GRIN2A: variants seen among roughly 807,000 people sequenced by gnomAD.
The protein encoded by GRIN2A is glutamate ionotropic receptor NMDA type subunit 2A.
Under a neutral mutation model 113.4 loss-of-function variants are expected in GRIN2A, and 22 were observed. The ratio of observed to expected loss-of-function variants is 0.19; its 90% CI spans 0.14 to 0.28. GRIN2A has a LOEUF of 0.28. Among genes scored for constraint, GRIN2A ranks in the 10% least tolerant of loss-of-function variants. The pLI is 1.00. For missense variants in GRIN2A, 1,502 were observed against 1,887.0 expected, an observed-to-expected ratio of 0.80 and a Z score of 3.78; for synonymous variants, 827 against 738.4, an observed-to-expected ratio of 1.12 and a Z score of -1.94.
At chr16:10,033,491 A>G (rs1272048682) in intron 2 of GRIN2A, among the ~76,000 whole-genome samples, 1 of 152,184 alleles carries the variant, frequency 6.6e-6, no homozygotes, top group Non-Finnish European at 1.5e-5. Flanking sequence ...CAAAACTGAG[A>G]GTGAGGGGTT....
At chr16:9,957,715 C>A (rs2045339090) in intron 2 of GRIN2A, among the ~76,000 whole-genome samples, 1 of 152,186 alleles carries the variant, frequency 6.6e-6, no homozygotes, top group Non-Finnish European at 1.5e-5. Context: ...TATCTCAACT[C>A]TTCCTTAATT....
chr16:9,943,316 C>T (rs2044934770), intron 2 of GRIN2A: 1 of 152,222 alleles, frequency 6.6e-6, no homozygotes, highest in East Asian at 1.9e-4. Flanking sequence ...ACAGAACAAA[C>T]TGTTTTAAAC....
In GRIN2A at chr16:10,123,952, G is replaced by T. The variant is rs753417429; in HGVS notation, c.414+56046C>A. Among the ~76,000 whole-genome samples, 12 of 152,280 alleles carry T rather than the reference G, an allele frequency of 7.9e-5. No homozygotes were observed. In the South Asian group the frequency reaches 1.0e-3, roughly 13 times the overall value. ...TCACTCGGCACAGTGTATGGCACAT[G>T]AGCACTCAAGAGGTGAGCTGTTTCT... is the stretch of plus-strand genomic sequence containing the variant. On this transcript the variant is annotated intron_variant, in intron 2 of 12. Transcript: ENST00000330684.
chr16:10,112,697 G>A, intron 2 of GRIN2A: 3 of 749,844 alleles, frequency 4.0e-6, no homozygotes, highest in Non-Finnish European at 7.4e-6. Flanking sequence ...TGAATATTGT[G>A]CAGGGTGTCT....
At chr16:9,850,646 G>A (rs560849565) in intron 4 of GRIN2A, among the ~76,000 whole-genome samples, 5 of 152,080 alleles carry the variant, frequency 3.3e-5, no homozygotes, top group East Asian at 1.9e-4. Flanking sequence ...AGCAGGTGGG[G>A]AAATTAAAAG....
At chr16:9,973,406 C>T (rs2045712853) in intron 2 of GRIN2A, among the ~76,000 whole-genome samples, 1 of 152,148 alleles carries the variant, frequency 6.6e-6, no homozygotes, top group African/African-American at 2.4e-5. Flanking sequence ...AAGATGAAGT[C>T]ACTTAAGTCA....
At chr16:9,983,225 C>T (rs892229570) in intron 2 of GRIN2A, among the ~76,000 whole-genome samples, 10 of 152,262 alleles carry the variant, frequency 6.6e-5, no homozygotes, top group East Asian at 3.9e-4. Flanking sequence ...TCCTGTCTAG[C>T]GTAATTTTGT....
rs140163343 is a variant in GRIN2A at position 9,941,106 on chromosome 16, G to C, written c.415-2555C>G. On this transcript the variant is annotated intron_variant, in intron 2 of 12. Transcript: ENST00000330684. ...GTGGTGGATCAGCATCTTGCACTAA[G>C]TACACAAGGAATACAGAAAGCTCTC... Among the ~76,000 whole-genome samples, 469 of 152,274 alleles carry C rather than the reference G, an allele frequency of 3.1e-3. 4 individuals carry two copies. The highest frequency in any genetic ancestry group is 0.011 in the African/African-American group (445 of 41,544).
At chr16:10,011,603 T>C (rs9788936) in intron 2 of GRIN2A, among the ~76,000 whole-genome samples, 29,073 of 152,174 alleles carry the variant, frequency 0.19, 3,062 homozygotes, top group East Asian at 0.36. Context: ...TCCTCCTTCA[T>C]GGATCCCTAG....
At chr16:9,841,897 C>T (rs2042686599) in intron 5 of GRIN2A, among the ~76,000 whole-genome samples, 1 of 152,224 alleles carries the variant, frequency 6.6e-6, no homozygotes, top group South Asian at 2.1e-4. Flanking sequence ...AGCCACCTTG[C>T]TGTATTCACC....
intron 2 of GRIN2A, among the ~76,000 whole-genome samples, chr16:10,147,798 TTC>T (rs2049477063): frequency 6.6e-6 from 1 of 152,064 alleles, no homozygotes; most frequent in African/African-American, 2.4e-5. Context: ...AATTCTCCAT[TTC>T]TCTCTGTTCC....
At chr16:10,067,804 T>C (rs1235608447) in intron 2 of GRIN2A, among the ~76,000 whole-genome samples, 1 of 150,578 alleles carries the variant, frequency 6.6e-6, no homozygotes, top group Non-Finnish European at 1.5e-5. Context: ...GGGCAGGGGG[T>C]GCTACTAGCA....
intron 2 of GRIN2A, among the ~76,000 whole-genome samples, chr16:10,003,253 G>A (rs769070894): frequency 6.6e-6 from 1 of 152,124 alleles, no homozygotes; most frequent in Non-Finnish European, 1.5e-5. Flanking sequence ...TGATTCCAAT[G>A]GGAGAGGCAT....
chr16:9,872,143 A>T (rs1182639903), intron 4 of GRIN2A, among the ~76,000 whole-genome samples: 1 of 152,198 alleles, frequency 6.6e-6, no homozygotes, highest in Non-Finnish European at 1.5e-5. Flanking sequence ...CAGGAACCCC[A>T]AGGGGTGGGT....
At chr16:9,969,423 C>A (rs539417659) in intron 2 of GRIN2A, among the ~76,000 whole-genome samples, 112 of 152,324 alleles carry the variant, frequency 7.4e-4, no homozygotes, top group African/African-American at 2.5e-3. Context: ...TTGTTCCTCA[C>A]TGGGTACATC....
At chr16:9,974,540 C>T (rs375806600) in intron 2 of GRIN2A, among the ~76,000 whole-genome samples, 7 of 152,148 alleles carry the variant, frequency 4.6e-5, no homozygotes, top group African/African-American at 7.2e-5. Flanking sequence ...ATTGCTCAGT[C>T]GGGGAGCTCA....
At chr16:10,114,524 G>T (rs748506106) in intron 2 of GRIN2A, among the ~76,000 whole-genome samples, 1 of 152,190 alleles carries the variant, frequency 6.6e-6, no homozygotes, top group African/African-American at 2.4e-5. Flanking sequence ...GGAGGAGGAA[G>T]ATGTATCTTC....
intron 2 of GRIN2A, among the ~76,000 whole-genome samples, chr16:10,079,675 T>C (rs545735747): frequency 1.1e-4 from 17 of 152,274 alleles, no homozygotes; most frequent in African/African-American, 3.6e-4. Flanking sequence ...TCACCAGACA[T>C]GAATCTTCTG....
chr16:9,764,861 A>C lies in GRIN2A; in HGVS notation c.2683T>G (p.Leu895Val), dbSNP rs1900817241. Residue 895 changes from leucine to valine, a missense_variant, in exon 13 of 13, where the codon TTA (leucine) becomes GTA (valine). This residue lies in a region of GRIN2A where 832 missense variants were observed against 789.7 expected (regional missense o/e 1.05). Transcript: ENST00000330684. ...TTTTTGGCTGACCGGAGGAGTTTTA[A>C]CATGTTGCTCTGGGATCCCGTCAGA... ...FNLTGSQSNM[L>V]KLLRSAKNIS... 6.2e-7 allele frequency: 1 copy of C among 1,614,156 alleles called. No individual in the cohort carries two copies.
Sources: allele counts gnomAD v4.1 joint callset (sites outside exome capture counted in the v4.1 genomes callset), GRCh38; gene constraint gnomAD v4.1.1; regional missense constraint gnomAD v4.1.1; transcripts MANE v1.5; gene names NCBI Gene and HGNC (gene_info 2026-07-23, HGNC 2026-07-21).